Variants in ADAMTSL1 observed in about 807,000 individuals in gnomAD.
ADAMTSL1 encodes ADAMTS like 1, also known as ADAMTS-like protein 1.
A neutral mutation model predicts 201.8 loss-of-function variants in ADAMTSL1; 126 were observed. That is an observed-to-expected ratio of 0.62 (90% CI 0.54 to 0.72). ADAMTSL1 has a LOEUF of 0.72. Among genes scored for constraint, ADAMTSL1 ranks in the 30% least tolerant of loss-of-function variants. The probability of loss-of-function intolerance (pLI) is 0.00; values close to 1 mark genes in which losing one functional copy is unlikely to be tolerated. For missense variants in ADAMTSL1, 2,679 were observed against 2,277.8 expected, an observed-to-expected ratio of 1.18 and a Z score of -3.59; for synonymous variants, 1,121 against 903.4, an observed-to-expected ratio of 1.24 and a Z score of -4.32.
At chr9:18,136,851 G>A (rs1245210380) in intron 1 of ADAMTSL1, among the ~76,000 whole-genome samples, 4 of 152,086 alleles carry the variant, frequency 2.6e-5, no homozygotes, top group Admixed American at 1.3e-4. Context: ...CAGGACAAAG[G>A]CTGCCTTTTA....
intron 1 of ADAMTSL1, among the ~76,000 whole-genome samples, chr9:18,127,543 A>G (rs1247431901): frequency 6.6e-6 from 1 of 151,744 alleles, no homozygotes; most frequent in Non-Finnish European, 1.5e-5. Flanking sequence ...TAATAGAAGG[A>G]GAATACTAAC....
At chr9:18,491,842 A>G (rs1408258789) in intron 1 of ADAMTSL1, among the ~76,000 whole-genome samples, 1 of 152,152 alleles carries the variant, frequency 6.6e-6, no homozygotes, top group African/African-American at 2.4e-5. Flanking sequence ...GAGCTGTACT[A>G]TTTACAGATA....
intron 23 of ADAMTSL1, among the ~76,000 whole-genome samples, chr9:18,877,580 T>TTTGTC (rs1185651400): frequency 6.6e-6 from 1 of 152,190 alleles, no homozygotes; most frequent in African/African-American, 2.4e-5. Flanking sequence ...TGTGATGTGA[T>TTTGTC]TTGTCTTCAG....
intron 2 of ADAMTSL1, among the ~76,000 whole-genome samples, chr9:18,435,465 G>T (rs1000546108): frequency 6.6e-6 from 1 of 152,158 alleles, no homozygotes; most frequent in Non-Finnish European, 1.5e-5. Flanking sequence ...CTGCAACACT[G>T]ATCTGTGTTA....
chr9:18,069,986 T>A (rs1398328652), intron 1 of ADAMTSL1, among the ~76,000 whole-genome samples: 2 of 152,100 alleles, frequency 1.3e-5, no homozygotes, highest in African/African-American at 4.8e-5. Flanking sequence ...CATGGGGAGA[T>A]TAGGAATTCA....
intron 2 of ADAMTSL1, among the ~76,000 whole-genome samples, chr9:18,517,595 C>G (rs935849914): frequency 6.8e-6 from 1 of 146,110 alleles, no homozygotes; most frequent in Non-Finnish European, 1.5e-5. Context: ...CAGTCCCCAG[C>G]GTGTGATATT....
In ADAMTSL1 at chr9:18,622,287, T is replaced by C. The variant is rs1341942246; in HGVS notation, c.519T>C (p.Asp173=). 2 of 1,613,886 alleles carry C rather than the reference T, an allele frequency of 1.2e-6. No individual in the cohort carries two copies. Among genetic ancestry groups the C allele is most frequent in the Non-Finnish European group, 1.7e-6 (2 of 1,179,944 alleles). ...DHQLGSTVKE[D]NCGVCNGDGS... ...AGCTGGGAAGCACCGTCAAGGAAGA[T>C]AACTGTGGGGTCTGCAACGGAGATG... is the stretch of plus-strand genomic sequence containing the variant. Residue 173 remains aspartate (D), a synonymous_variant, in exon 5 of 29, where the codon GAT becomes GAC. Coordinates refer to ENST00000380548, the MANE Select transcript of ADAMTSL1 (RefSeq NM_001040272.6).
chr9:18,205,955 G>A (rs1829631820), intron 2 of ADAMTSL1, among the ~76,000 whole-genome samples: 1 of 149,936 alleles, frequency 6.7e-6, no homozygotes, highest in Non-Finnish European at 1.5e-5. Flanking sequence ...TTGGGAGGCT[G>A]AGGCAGGGGA....
intron 3 of ADAMTSL1, among the ~76,000 whole-genome samples, chr9:18,563,859 C>T (rs1243145339): frequency 6.6e-6 from 1 of 152,162 alleles, no homozygotes; most frequent in South Asian, 2.1e-4. Flanking sequence ...GACGCCCCTA[C>T]CCCCACCAAG....
In ADAMTSL1 at chr9:18,777,225, A is replaced by C; in HGVS notation, c.2996A>C (p.Asn999Thr). The change falls in exon 19 of 29, where the codon AAC becomes ACC. Residue 999 changes from asparagine to threonine, a missense_variant. By Grantham distance (65) the Asn-to-Thr change is moderately conservative. Transcript: ENST00000380548. ...GCCCTGCAGACCCACAAACACCAGA[A>C]CGGGATCTTCTCCAACGGCAGCAAG... ...KEALQTHKHQ[N>T]GIFSNGSKAE... The C allele has an allele frequency of 6.2e-7, 1 of 1,612,784 alleles. No homozygotes were observed. The highest frequency in any genetic ancestry group is 8.5e-7 in the Non-Finnish European group (1 of 1,179,776).
At chr9:18,805,853 C>T (rs76996479) in intron 20 of ADAMTSL1, among the ~76,000 whole-genome samples, 4,552 of 152,266 alleles carry the variant, frequency 0.03, 150 homozygotes, top group African/African-American at 0.085. Context: ...CTTTCTGAAG[C>T]TCTCATGAAA....
intron 25 of ADAMTSL1, chr9:18,890,932 T>C (rs1829219741): frequency 7.5e-6 from 1 of 133,560 alleles, no homozygotes; most frequent in Non-Finnish European, 1.3e-5. Context: ...AATTTACTTC[T>C]GCAAATGAAA....
chr9:18,623,643 G>A, intron 5 of ADAMTSL1, among the ~76,000 whole-genome samples: 1 of 152,280 alleles, frequency 6.6e-6, no homozygotes, highest in African/African-American at 2.4e-5. Context: ...TTAATCTGAG[G>A]CATTTTATGA....
At position 18,680,390 on chromosome 9, in the gene ADAMTSL1, G is replaced by A; in HGVS notation, c.1215G>A (p.Glu405=). 1.9e-6 allele frequency: 3 copies of A among 1,614,182 alleles called. No homozygotes were observed. Among genetic ancestry groups the A allele is most frequent in the Non-Finnish European group, 2.5e-6 (3 of 1,180,038 alleles). The change falls in exon 11 of 29, where the codon GAG becomes GAA. Residue 405 remains glutamate, a synonymous_variant. Coordinates refer to ENST00000380548, the MANE Select transcript of ADAMTSL1 (RefSeq NM_001040272.6). The part of the protein sequence containing the change: ...GIQSRAVSCV[E]EDIQGHVTSV... ...AGAGCCGGGCAGTTTCCTGTGTGGA[G>A]GAGGACATCCAGGGGCATGTCACTT...
intron 23 of ADAMTSL1, among the ~76,000 whole-genome samples, chr9:18,872,537 CTT>C (rs1253208279): frequency 1.3e-5 from 2 of 152,136 alleles, no homozygotes; most frequent in Non-Finnish European, 1.5e-5. Context: ...ATTCTTATGA[CTT>C]TGCATCCTCA....
chr9:17,978,172 G>A (rs568223325), intron 1 of ADAMTSL1, among the ~76,000 whole-genome samples: 2 of 151,896 alleles, frequency 1.3e-5, no homozygotes, highest in Admixed American at 1.3e-4. Context: ...ATTTCTTTAT[G>A]TTTATCCATG....
chr9:18,060,562 C>T (rs1388980139), intron 1 of ADAMTSL1, among the ~76,000 whole-genome samples: 1 of 152,138 alleles, frequency 6.6e-6, no homozygotes. Context: ...GGCAAAGAAA[C>T]AAGAAATGTC....
intron 20 of ADAMTSL1, among the ~76,000 whole-genome samples, chr9:18,803,822 A>G (rs1822945194): frequency 6.6e-6 from 1 of 152,180 alleles, no homozygotes; most frequent in African/African-American, 2.4e-5. Flanking sequence ...TTATCTGCTC[A>G]TATATTACAC....
chr9:18,411,511 T>C (rs1053253994), intron 2 of ADAMTSL1, among the ~76,000 whole-genome samples: 2 of 152,154 alleles, frequency 1.3e-5, no homozygotes, highest in Non-Finnish European at 2.9e-5. Flanking sequence ...ATGGGTAGAT[T>C]TTCTATGTGA....
Sources: gnomAD v4.1 joint callset for allele counts (sites outside exome capture counted in the v4.1 genomes callset) on GRCh38, gnomAD v4.1.1 for gene constraint, MANE v1.5 for transcripts, NCBI Gene and HGNC (gene_info 2026-07-23, HGNC 2026-07-21) for gene names.